LDLRAD2: variants seen among roughly 807,000 people sequenced by gnomAD.
The protein encoded by LDLRAD2 is low density lipoprotein receptor class A domain containing 2.
A neutral mutation model predicts 24.9 loss-of-function variants in LDLRAD2; 25 were observed. The ratio of observed to expected loss-of-function variants is 1.00; its 90% confidence interval spans 0.73 to 1.40. LDLRAD2 has a LOEUF of 1.40. LDLRAD2 is among the 40% of genes most tolerant of loss of function. The pLI, the probability that LDLRAD2 is intolerant of heterozygous loss-of-function variation, is 0.00. For synonymous variants in LDLRAD2, 182 were observed against 166.7 expected, an observed-to-expected ratio of 1.09 and a Z score of -0.71; for missense variants, 391 against 366.2, an observed-to-expected ratio of 1.07 and a Z score of -0.55.
intron 3 of LDLRAD2, among the ~76,000 whole-genome samples, chr1:21,819,682 G>C (rs1026553913): frequency 2.6e-5 from 4 of 151,958 alleles, no homozygotes; most frequent in African/African-American, 7.3e-5. Context: ...CGGAGTTGAT[G>C]GAGTTTCCGT....
chr1:21,818,653 T>C (rs1428408649), intron 3 of LDLRAD2, among the ~76,000 whole-genome samples: 2 of 152,196 alleles, frequency 1.3e-5, no homozygotes, highest in African/African-American at 2.4e-5. Flanking sequence ...CTTTCCCCAC[T>C]GTATTCTTGG....
chr1:21,812,323 C>A lies in LDLRAD2; in HGVS notation c.-129C>A. ...CACTAAGATCATAGTGAAGACTTGC[C>A]TCCCCCTTCTCCTTGTGTCCCACCA... On this transcript the variant is annotated 5_prime_UTR_variant, in exon 1 of 5. Coordinates refer to ENST00000344642, the MANE Select transcript of LDLRAD2 (RefSeq NM_001013693.3). 1.5e-6 allele frequency: 1 copy of A among 657,004 alleles called. No individual in the cohort carries two copies. The highest frequency in any genetic ancestry group is 2.7e-6 in the Non-Finnish European group (1 of 367,122). 40.7% of individuals were successfully genotyped at this position (657,004 alleles called of 1,614,324 possible).
At chr1:21,812,566 C>T in intron 1 of LDLRAD2, 30 bp downstream of exon 1, 3 of 1,583,740 alleles carry the variant, frequency 1.9e-6, no homozygotes, top group Non-Finnish European at 2.6e-6. Context: ...GTTGGGGCAC[C>T]CAGAAGACTT....
At chr1:21,818,390 T>C (rs923962530) in intron 3 of LDLRAD2, among the ~76,000 whole-genome samples, 7 of 152,254 alleles carry the variant, frequency 4.6e-5, no homozygotes, top group African/African-American at 1.4e-4. Flanking sequence ...TTTCCTTGTT[T>C]TTAATGATCT....
chr1:21,818,983 C>T (rs2097947285), intron 3 of LDLRAD2, among the ~76,000 whole-genome samples: 1 of 150,468 alleles, frequency 6.6e-6, no homozygotes, highest in Non-Finnish European at 1.5e-5. Flanking sequence ...GCTGTGTCCT[C>T]TACCAGAAGA....
intron 1 of LDLRAD2, 65 bp from the exon 2 acceptor site, chr1:21,814,333 G>T: frequency 1.5e-6 from 2 of 1,365,532 alleles, no homozygotes; most frequent in Non-Finnish European, 9.8e-7. Context: ...CACACAGCGG[G>T]CAGGGGACAG....
rs1403506727 is a variant in LDLRAD2 at position 21,825,202 on chromosome 1, T to C, written c.*2987T>C. On this transcript the variant is annotated 3_prime_UTR_variant, in exon 5 of 5. Transcript: ENST00000344642. ...TGATGTGTTAATAAAGAAGCACATA[T>C]ATAGCAAGTCAGGAAACTTAAAACA... is the stretch of plus-strand genomic sequence containing the variant. 3.0e-5 allele frequency: 7 copies of C among 233,712 alleles called. No homozygotes were observed. The South Asian group carries it at 4.5e-4, about 15-fold the overall frequency. The allele number at this position is 233,712 out of a possible 1,614,324, so 14.5% of individuals were successfully genotyped here. A position where few individuals can be genotyped will look rare whatever the true frequency, so the allele number is the denominator to read the frequency against.
In LDLRAD2 at chr1:21,823,376, C is replaced by T. The variant is rs1249583364; in HGVS notation, c.*1161C>T. The stretch of plus-strand genomic sequence containing the variant: ...GGGCGCGGTGCTGCAGGTCCAGGGG[C>T]TGTGGGGGCGGGGCGCCGGGTCGGG... On this transcript the variant is annotated 3_prime_UTR_variant, in exon 5 of 5. Transcript: ENST00000344642. The T allele has an allele frequency of 6.4e-7, 1 of 1,552,082 alleles. No homozygotes were observed. Among genetic ancestry groups the T allele is most frequent in the East Asian group, 2.4e-5 (1 of 41,816 alleles).
At chr1:21,816,626 T>C (rs1205732225) in intron 3 of LDLRAD2, among the ~76,000 whole-genome samples, 1 of 152,074 alleles carries the variant, frequency 6.6e-6, no homozygotes, top group African/African-American at 2.4e-5. Flanking sequence ...AGGAATAACC[T>C]TCCTGGGGAT....
intron 3 of LDLRAD2, among the ~76,000 whole-genome samples, chr1:21,818,998 T>C (rs1269090471): frequency 6.6e-6 from 1 of 151,410 alleles, no homozygotes; most frequent in African/African-American, 2.4e-5. Context: ...AGAAGACTTT[T>C]CTTCTGAGAT....
chr1:21,824,001 C>T lies in LDLRAD2; in HGVS notation c.*1786C>T. 2 of 1,050,452 alleles carry T rather than the reference C, an allele frequency of 1.9e-6. No individual in the cohort carries two copies. The highest frequency in any genetic ancestry group is 1.4e-5 in the South Asian group (1 of 73,926). 65.1% of individuals were successfully genotyped at this position (1,050,452 alleles called of 1,614,324 possible). On this transcript the variant is annotated 3_prime_UTR_variant, in exon 5 of 5. Coordinates refer to ENST00000344642, the MANE Select transcript of LDLRAD2 (RefSeq NM_001013693.3). This position sits in a 1 kb window ranked among gnomAD's most constrained non-coding sequence, Gnocchi z 5.9. The stretch of plus-strand genomic sequence containing the variant: ...CCCTGGCTGGTGGGTTCTCCCCTCC[C>T]CTGGCTTCAAGTTCTGTCTCCACAG...
At chr1:21,818,455 T>C (rs1273996694) in intron 3 of LDLRAD2, among the ~76,000 whole-genome samples, 1 of 152,252 alleles carries the variant, frequency 6.6e-6, no homozygotes, top group Non-Finnish European at 1.5e-5. Context: ...TATTGGGATT[T>C]ATTTGATACT....
chr1:21,822,336 C>T lies in LDLRAD2; in HGVS notation c.*121C>T. 1 of 981,988 alleles carries T rather than the reference C, an allele frequency of 1.0e-6. No individual in the cohort carries two copies. The highest frequency in any genetic ancestry group is 1.6e-6 in the Non-Finnish European group (1 of 626,836). The allele number at this position is 981,988 out of a possible 1,614,324, so 60.8% of individuals were successfully genotyped here. A position where few individuals can be genotyped will look rare whatever the true frequency, so the allele number is the denominator to read the frequency against. ...ACAGAGGCCAGGCGTCCCAACCCCA[C>T]AGTCTGGGGGCCACTGGCAGGATGG... On this transcript the variant is annotated 3_prime_UTR_variant, in exon 5 of 5. Transcript: ENST00000344642.
At chr1:21,821,212 T>TAC (rs1557657686) in intron 3 of LDLRAD2, among the ~76,000 whole-genome samples, 1 of 152,152 alleles carries the variant, frequency 6.6e-6, no homozygotes, top group Non-Finnish European at 1.5e-5. Context: ...TCAGTACATG[T>TAC]ACACCCTCTT....
At chr1:21,815,608 C>T (rs181154559) in intron 2 of LDLRAD2, among the ~76,000 whole-genome samples, 1 of 151,882 alleles carries the variant, frequency 6.6e-6, no homozygotes, top group Admixed American at 6.6e-5. Flanking sequence ...AGAGACCTGC[C>T]TAAAACAACA....
chr1:21,823,128 C>A lies in LDLRAD2; in HGVS notation c.*913C>A. The A allele has an allele frequency of 3.6e-6, 2 of 551,558 alleles. No individual in the cohort carries two copies. The highest frequency in any genetic ancestry group is 6.0e-6 in the Non-Finnish European group (2 of 333,484). 34.2% of individuals were successfully genotyped at this position (551,558 alleles called of 1,614,324 possible). A position where few individuals can be genotyped will look rare whatever the true frequency, so the allele number is the denominator to read the frequency against. On this transcript the variant is annotated 3_prime_UTR_variant, in exon 5 of 5. Transcript: ENST00000344642. ...CCATCCAACCTGCCTTGCTGGCCAG[C>A]CTTGTGGCTTTGCCCAGCTGTGTGT...
Position 21,816,077 on chromosome 1 carries a change from C to T in LDLRAD2, c.643+3C>T. ...CTGGTCACCAGCTGACTGCAGAGGT[C>T]AGTGCGGGGTGTGGACTGGGCCCTA... On this transcript the variant is annotated splice_donor_region_variant and intron_variant, in intron 3 of 4. Coordinates refer to ENST00000344642, the MANE Select transcript of LDLRAD2 (RefSeq NM_001013693.3). The T allele has an allele frequency of 6.2e-7, 1 of 1,612,578 alleles. No homozygotes were observed. Among genetic ancestry groups the T allele is most frequent in the Non-Finnish European group, 8.5e-7 (1 of 1,179,826 alleles).
At chr1:21,821,699 C>T in intron 4 of LDLRAD2, 88 bp downstream of exon 4, 1 of 1,557,944 alleles carries the variant, frequency 6.4e-7, no homozygotes, top group South Asian at 1.2e-5. Flanking sequence ...AGGCCGAGGC[C>T]TGAGTGGACT....
Position 21,823,974 on chromosome 1 carries a change from A to T in LDLRAD2, c.*1759A>T, listed in dbSNP as rs372236191. On this transcript the variant is annotated 3_prime_UTR_variant, in exon 5 of 5. Transcript: ENST00000344642. ...GAGTTCAGTCCGAGATGGAAGCCCG[A>T]GCCCTGGCTGGTGGGTTCTCCCCTC... 3 of 875,748 alleles carry T rather than the reference A, an allele frequency of 3.4e-6. No homozygotes were observed. Among genetic ancestry groups the T allele is most frequent in the African/African-American group, 3.3e-5 (2 of 60,262 alleles). 54.2% of individuals were successfully genotyped at this position (875,748 alleles called of 1,614,324 possible).
Sources: gnomAD v4.1 joint callset for allele counts (sites outside exome capture counted in the v4.1 genomes callset) on GRCh38, gnomAD v4.1.1 for gene constraint, Gnocchi (gnomAD v3.1) non-coding constraint, MANE v1.5 for transcripts, NCBI Gene and HGNC (gene_info 2026-07-23, HGNC 2026-07-21) for gene names.